TMEM125: variants seen among roughly 807,000 people sequenced by gnomAD.
The protein encoded by TMEM125 is transmembrane protein 125.
A neutral mutation model predicts 8.7 loss-of-function variants in TMEM125; 11 were observed. That is an observed-to-expected ratio of 1.26 (90% CI 0.79 to 2.08). The LOEUF is 2.08. TMEM125 is among the 30% of genes most tolerant of loss of function. TMEM125 has a pLI of 0.00. For missense variants in TMEM125, 270 were observed against 302.4 expected (o/e 0.89, Z 0.79); for synonymous variants, 144 against 146.1 (o/e 0.99, Z 0.10).
At chr1:43,270,889 C>G (rs1646486456) in intron 2 of TMEM125, 96 bp downstream of exon 2, 1 of 152,152 alleles carries the variant, frequency 6.6e-6, no homozygotes, top group South Asian at 2.1e-4. Context: ...AGCCTGACAC[C>G]CGTTGTCTCA....
In TMEM125 at chr1:43,272,642, G is replaced by T; in HGVS notation, c.-81G>T. 7.8e-7 allele frequency: 1 copy of T among 1,276,358 alleles called. No homozygotes were observed. The highest frequency in any genetic ancestry group is 1.0e-6 in the Non-Finnish European group (1 of 970,914). The allele number at this position is 1,276,358 out of a possible 1,614,324, so 79.1% of individuals were successfully genotyped here. ...CTCTGGGCCTGTAGCTGCCAAGCAG[G>T]TGGCAGGTGCTCCAGGCTGTGATCT... On this transcript the variant is annotated 5_prime_UTR_variant, in exon 4 of 4. Coordinates refer to ENST00000439858, the MANE Select transcript of TMEM125 (RefSeq NM_144626.3). The surrounding 1 kb of genome is among the most constrained non-coding windows in gnomAD (Gnocchi z 5.0).
At position 43,271,313 on chromosome 1, in the gene TMEM125, C is replaced by G. The variant is rs746235324; in HGVS notation, c.-302+520C>G. On this transcript the variant is annotated intron_variant, in intron 2 of 3. Coordinates refer to ENST00000439858, the MANE Select transcript of TMEM125 (RefSeq NM_144626.3). The surrounding 1 kb of genome is among the most constrained non-coding windows in gnomAD (Gnocchi z 4.9). ...TGTCTTCACTTTTCAGACAAGGAGA[C>G]TGAGGCTCTAAGAGACGAACCATTC... is the stretch of plus-strand genomic sequence containing the variant. The G allele has an allele frequency of 6.6e-6, 1 of 152,320 alleles. No individual in the cohort carries two copies. The highest frequency in any genetic ancestry group is 6.5e-5 in the Admixed American group (1 of 15,276). 9.4% of individuals were successfully genotyped at this position (152,320 alleles called of 1,614,324 possible). A position where few individuals can be genotyped will look rare whatever the true frequency, so the allele number is the denominator to read the frequency against.
In TMEM125 at chr1:43,272,554, A is replaced by C; in HGVS notation, c.-145-24A>C. ...TGGGGGACAGGTGGGCTGGGAAGGT[A>C]AGACTGTGATCCTTCCCCTACAGGT... On this transcript the variant is annotated intron_variant, in intron 3 of 3. Coordinates refer to ENST00000439858, the MANE Select transcript of TMEM125 (RefSeq NM_144626.3). This position sits in a 1 kb window ranked among gnomAD's most constrained non-coding sequence, Gnocchi z 5.0. 1.8e-6 allele frequency: 1 copy of C among 546,968 alleles called. No individual in the cohort carries two copies. The allele number at this position is 546,968 out of a possible 1,614,324, so 33.9% of individuals were successfully genotyped here.
At position 43,272,989 on chromosome 1, in the gene TMEM125, G is replaced by A. The variant is rs147463579; in HGVS notation, c.267G>A (p.Ser89=). The change falls in exon 4 of 4, where the codon TCG becomes TCA. Residue 89 remains serine (S), a synonymous_variant. Coordinates refer to ENST00000439858, the MANE Select transcript of TMEM125 (RefSeq NM_144626.3). This position sits in a 1 kb window ranked among gnomAD's most constrained non-coding sequence, Gnocchi z 5.0. Reference sequence around the variant, plus strand: ...TTCTGGTGAAACAGCTGATGAGCTCGGCTGTGCAGGACATGAACTGCATCC... The same window carrying A: ...TTCTGGTGAAACAGCTGATGAGCTCAGCTGTGCAGGACATGAACTGCATCC... The part of the protein sequence containing the change: ...LLVLVKQLMS[S]AVQDMNCIRQ... The A allele has an allele frequency of 1.5e-5, 24 of 1,612,348 alleles. No homozygotes were observed. The highest frequency in any genetic ancestry group is 1.9e-5 in the Non-Finnish European group (22 of 1,178,828).
At position 43,273,730 on chromosome 1, in the gene TMEM125, T is replaced by C. The variant is rs749381358; in HGVS notation, c.*348T>C. The C allele has an allele frequency of 1.9e-5, 6 of 308,542 alleles. No homozygotes were observed. Among genetic ancestry groups the C allele is most frequent in the Admixed American group, 9.3e-5 (2 of 21,528 alleles). The allele number at this position is 308,542 out of a possible 1,614,324, so 19.1% of individuals were successfully genotyped here. A position where few individuals can be genotyped will look rare whatever the true frequency, so the allele number is the denominator to read the frequency against. ...CTGTCCTGTAACATCCATCAAGGAT[T>C]TCCATAGGGGTGACTGGTGCCCACC... On this transcript the variant is annotated 3_prime_UTR_variant, in exon 4 of 4. Transcript: ENST00000439858.
In TMEM125 at chr1:43,273,552, ACATCCACAT is replaced by A; in HGVS notation, c.*174_*182del. The A allele has an allele frequency of 3.6e-6, 3 of 844,448 alleles. No homozygotes were observed. The highest frequency in any genetic ancestry group is 5.5e-6 in the Non-Finnish European group (3 of 546,740). The allele number at this position is 844,448 out of a possible 1,614,324, so 52.3% of individuals were successfully genotyped here. A position where few individuals can be genotyped will look rare whatever the true frequency, so the allele number is the denominator to read the frequency against. On this transcript the variant is annotated 3_prime_UTR_variant, in exon 4 of 4. Transcript: ENST00000439858. ...TGATTAAAAGCCCATGTGTTCCCACACATCCACATCATGGGAAGGTTAATGTGTGCCTCC... is the reference window on the plus strand; with the variant it reads ...TGATTAAAAGCCCATGTGTTCCCACACATGGGAAGGTTAATGTGTGCCTCC...
chr1:43,273,181 T>C lies in TMEM125; in HGVS notation c.459T>C (p.Ala153=), dbSNP rs370130112. ...CCGCCATGCTGTCTGTGGGCATTGC[T>C]CTGGCTGCCTTGGGCTCGCTTTTGC... ...PLAAMLSVGI[A]LAALGSLLLL... is the part of the protein sequence containing the mutation. Residue 153 remains alanine (A), a synonymous_variant, in exon 4 of 4, where the codon GCT becomes GCC. Coordinates refer to ENST00000439858, the MANE Select transcript of TMEM125 (RefSeq NM_144626.3). The C allele has an allele frequency of 1.9e-6, 3 of 1,613,970 alleles. No homozygotes were observed. The highest frequency in any genetic ancestry group is 1.3e-5 in the African/African-American group (1 of 74,922).
Position 43,272,837 on chromosome 1 carries a change from GTCGTGGCCGTGGGCC to G in TMEM125, c.123_137del (p.Val42_Ala46del). ...GCCGCGGCGCTCGGCGCTCTGCTTCGTCGTGGCCGTGGGCCTCGTGGCAGGCTGTGGCGCGGGCGG... is the reference window on the plus strand; with the variant it reads ...GCCGCGGCGCTCGGCGCTCTGCTTCGTCGTGGCAGGCTGTGGCGCGGGCGG... On this transcript the variant is annotated inframe_deletion, in exon 4 of 4. Transcript: ENST00000439858. This position sits in a 1 kb window ranked among gnomAD's most constrained non-coding sequence, Gnocchi z 5.0. 1 of 1,575,726 alleles carries G rather than the reference GTCGTGGCCGTGGGCC, an allele frequency of 6.3e-7. No individual in the cohort carries two copies. The highest frequency in any genetic ancestry group is 8.6e-7 in the Non-Finnish European group (1 of 1,157,870).
Position 43,273,545 on chromosome 1 carries a change from T to C in TMEM125, c.*163T>C. ...TGGCGTGTGATTAAAAGCCCATGTG[T>C]TCCCACACATCCACATCATGGGAAG... On this transcript the variant is annotated 3_prime_UTR_variant, in exon 4 of 4. Coordinates refer to ENST00000439858, the MANE Select transcript of TMEM125 (RefSeq NM_144626.3). 1.1e-6 allele frequency: 1 copy of C among 888,470 alleles called. No individual in the cohort carries two copies. Among genetic ancestry groups the C allele is most frequent in the Non-Finnish European group, 1.7e-6 (1 of 585,880 alleles). The allele number at this position is 888,470 out of a possible 1,614,324, so 55.0% of individuals were successfully genotyped here.
Sources: gnomAD v4.1 joint callset for allele counts on GRCh38, gnomAD v4.1.1 for gene constraint, Gnocchi (gnomAD v3.1) non-coding constraint, MANE v1.5 for transcripts, NCBI Gene and HGNC (gene_info 2026-07-23, HGNC 2026-07-21) for gene names.